The following SHISA9 variants were observed in gnomAD, a reference collection of about 807,000 sequenced individuals.
SHISA9 encodes the protein shisa family member 9.
A neutral mutation model predicts 38.0 loss-of-function variants in SHISA9; 13 were observed. The ratio of observed to expected loss-of-function variants is 0.34; its 90% CI spans 0.22 to 0.54. The LOEUF (loss-of-function observed/expected upper bound fraction) is 0.54, where lower values mean the gene tolerates loss of function less well. Ranked by LOEUF, SHISA9 falls within the 20% of genes least tolerant of loss-of-function variation. The probability of loss-of-function intolerance (pLI) is 0.91; values close to 1 mark genes in which losing one functional copy is unlikely to be tolerated. For synonymous variants in SHISA9, 275 were observed against 242.0 expected (o/e 1.14, Z -1.27); for missense variants, 538 against 575.8 (o/e 0.93, Z 0.67).
chr16:13,479,562 T>C, the SHISA9 span, among the ~76,000 whole-genome samples: 1 of 152,144 alleles, frequency 6.6e-6, no homozygotes, highest in Admixed American at 6.6e-5. Flanking sequence ...TTTAGAACCC[T>C]CCATTTCATC....
intron 2 of SHISA9, among the ~76,000 whole-genome samples, chr16:13,035,514 T>C (rs532062003): frequency 2.1e-5 from 3 of 145,864 alleles, no homozygotes; most frequent in East Asian, 4.0e-4. Context: ...TGATTATGAT[T>C]ATGTGTTCCT....
At chr16:13,268,145 T>C in the SHISA9 span, among the ~76,000 whole-genome samples, 1 of 152,094 alleles carries the variant, frequency 6.6e-6, no homozygotes, top group Non-Finnish European at 1.5e-5. Context: ...TCAATGTTTT[T>C]GTGATAGACA....
the SHISA9 span, among the ~76,000 whole-genome samples, chr16:13,501,584 T>C: frequency 6.6e-6 from 1 of 152,212 alleles, no homozygotes. Flanking sequence ...ACATTTTTGT[T>C]TGTCTTTTCA....
At chr16:12,991,835 T>A (rs1198017722) in intron 2 of SHISA9, among the ~76,000 whole-genome samples, 1 of 152,184 alleles carries the variant, frequency 6.6e-6, no homozygotes. Context: ...GATAGATCCT[T>A]TTCCTTTTAA....
At chr16:13,182,412 C>T (rs887891087) in intron 2 of SHISA9, among the ~76,000 whole-genome samples, 5 of 152,158 alleles carry the variant, frequency 3.3e-5, no homozygotes, top group African/African-American at 1.2e-4. Flanking sequence ...ATTCATATCA[C>T]TTGCCCCTTT....
chr16:13,437,397 T>C, the SHISA9 span, among the ~76,000 whole-genome samples: 1 of 152,278 alleles, frequency 6.6e-6, no homozygotes, highest in South Asian at 2.1e-4. Context: ...CTAAGCACTT[T>C]AAACATATTA....
At chr16:13,533,543 G>A in the SHISA9 span, among the ~76,000 whole-genome samples, 1 of 151,966 alleles carries the variant, frequency 6.6e-6, no homozygotes, top group African/African-American at 2.4e-5. Flanking sequence ...TCTCGTATAA[G>A]GACCTCTTCA....
intron 2 of SHISA9, among the ~76,000 whole-genome samples, chr16:13,173,882 C>A (rs1183738648): frequency 6.6e-6 from 1 of 152,096 alleles, no homozygotes; most frequent in Non-Finnish European, 1.5e-5. Flanking sequence ...TCAGGGAGGG[C>A]TTCCTGGAGG....
At chr16:13,363,568 G>A in the SHISA9 span, among the ~76,000 whole-genome samples, 3 of 152,168 alleles carry the variant, frequency 2.0e-5, no homozygotes, top group Non-Finnish European at 4.4e-5. Context: ...AAAACTATGT[G>A]CAAAGAAGTG....
chr16:13,434,599 T>C, the SHISA9 span, among the ~76,000 whole-genome samples: 1 of 151,934 alleles, frequency 6.6e-6, no homozygotes, highest in South Asian at 2.1e-4. Context: ...TTTGTATTTT[T>C]AGTAGAGATG....
intron 2 of SHISA9, among the ~76,000 whole-genome samples, chr16:13,019,927 CTTTCTTTCTTTCTT>C (rs2072822896): frequency 7.5e-5 from 7 of 93,100 alleles, no homozygotes; most frequent in Admixed American, 1.2e-4. Flanking sequence ...TTCTTTCTTT[CTTTCTTTCTTTCTT>C]TCTTTCTTTC....
At chr16:13,291,502 T>G in the SHISA9 span, among the ~76,000 whole-genome samples, 3 of 152,230 alleles carry the variant, frequency 2.0e-5, no homozygotes, top group African/African-American at 7.2e-5. Flanking sequence ...CTTTATGTAT[T>G]GCCTCTTTTT....
the SHISA9 span, among the ~76,000 whole-genome samples, chr16:13,455,231 C>T: frequency 6.6e-6 from 1 of 152,172 alleles, no homozygotes; most frequent in East Asian, 1.9e-4. Flanking sequence ...CCTGCCTCAG[C>T]CTCTGTCTGA....
chr16:13,197,239 C>T (rs1161859768), intron 2 of SHISA9, among the ~76,000 whole-genome samples: 1 of 151,986 alleles, frequency 6.6e-6, no homozygotes, highest in Non-Finnish European at 1.5e-5. Context: ...GACAAAACAA[C>T]ACTATTTGAC....
the SHISA9 span, among the ~76,000 whole-genome samples, chr16:13,488,215 A>G: frequency 6.6e-6 from 1 of 151,462 alleles, no homozygotes; most frequent in Non-Finnish European, 1.5e-5. Context: ...TTAAATATAT[A>G]TGGTCAAAGG....
chr16:12,979,485 GAA>G (rs2072212172), intron 2 of SHISA9, among the ~76,000 whole-genome samples: 1 of 152,144 alleles, frequency 6.6e-6, no homozygotes, highest in East Asian at 1.9e-4. Flanking sequence ...ACGAAAGCTA[GAA>G]TATTGACAAT....
chr16:13,080,738 CAT>C (rs935868509), intron 2 of SHISA9, among the ~76,000 whole-genome samples: 13 of 152,104 alleles, frequency 8.5e-5, no homozygotes, highest in African/African-American at 3.1e-4. Flanking sequence ...TCACTGGAGA[CAT>C]AAAATAGCCA....
the SHISA9 span, among the ~76,000 whole-genome samples, chr16:13,258,886 G>A: frequency 6.6e-6 from 1 of 152,180 alleles, no homozygotes; most frequent in African/African-American, 2.4e-5. Flanking sequence ...ATTTGGGTGG[G>A]GACACAGCCA....
the SHISA9 span, among the ~76,000 whole-genome samples, chr16:13,432,912 C>G: frequency 1.3e-5 from 2 of 151,764 alleles, no homozygotes; most frequent in East Asian, 3.9e-4. Context: ...TGGGGTCTAT[C>G]GGAGGGTGGA....
Sources: gnomAD v4.1 joint callset for allele counts (sites outside exome capture counted in the v4.1 genomes callset) on GRCh38, gnomAD v4.1.1 for gene constraint, MANE v1.5 for transcripts, NCBI Gene and HGNC (gene_info 2026-07-23, HGNC 2026-07-21) for gene names.